Variants in LRIF1 observed in about 807,000 individuals in gnomAD.
The protein encoded by LRIF1 is ligand-dependent nuclear receptor-interacting factor 1.
In LRIF1, 32 loss-of-function variants were observed where a neutral mutation model predicts 52.7. That is an observed-to-expected ratio of 0.61 (90% CI 0.46 to 0.82). The LOEUF is 0.82. Ranked by LOEUF, LRIF1 falls within the 40% of genes least tolerant of loss-of-function variation. The probability of loss-of-function intolerance (pLI) is 0.00; values close to 1 mark genes in which losing one functional copy is unlikely to be tolerated. For synonymous variants in LRIF1, 323 were observed against 317.4 expected, an observed-to-expected ratio of 1.02 and a Z score of -0.19; for missense variants, 887 against 892.0, an observed-to-expected ratio of 0.99 and a Z score of 0.07.
chr1:110,911,906 T>C, the LRIF1 span, among the ~76,000 whole-genome samples: 1 of 152,176 alleles, frequency 6.6e-6, no homozygotes, highest in Non-Finnish European at 1.5e-5. Context: ...ATCATACTAA[T>C]GGGCAAAAAC....
the LRIF1 span, among the ~76,000 whole-genome samples, chr1:110,879,707 CT>C: frequency 6.6e-6 from 1 of 152,008 alleles, no homozygotes; most frequent in Non-Finnish European, 1.5e-5. Flanking sequence ...AGATGAAGAA[CT>C]GATAGAGGTT....
the LRIF1 span, among the ~76,000 whole-genome samples, chr1:110,885,873 A>C: frequency 1.2e-4 from 19 of 152,166 alleles, no homozygotes; most frequent in African/African-American, 4.6e-4. Context: ...CAAAAAAATA[A>C]AAATAAAAAT....
At position 110,951,601 on chromosome 1, in the gene LRIF1, G is replaced by A. The variant is rs1170874180; in HGVS notation, c.1283C>T (p.Ser428Leu). Residue 428 changes from serine to leucine, a missense_variant, in exon 2 of 4, where the codon TCA (serine) becomes TTA (leucine). Coordinates refer to ENST00000369763, the MANE Select transcript of LRIF1 (RefSeq NM_018372.4). ...KSKSSQMETK[S>L]LSNTQLASMA... Reference sequence around the variant, plus strand: ...GGAAGCAAGCTGGGTATTGGAAAGTGATTTTGTCTCCATCTGGGAAGATTT... The same window carrying A: ...GGAAGCAAGCTGGGTATTGGAAAGTAATTTTGTCTCCATCTGGGAAGATTT... 1 of 1,614,082 alleles carries A rather than the reference G, an allele frequency of 6.2e-7. No homozygotes were observed.
the LRIF1 span, among the ~76,000 whole-genome samples, chr1:110,886,869 ATTTT>A: frequency 8.5e-5 from 7 of 82,786 alleles, no homozygotes; most frequent in East Asian, 6.7e-4. Flanking sequence ...ATATATATAT[ATTTT>A]TTTTTTCTGT....
chr1:110,950,224 T>C, intron 2 of LRIF1, 101 bp from the exon 3 acceptor site: 9 of 1,364,256 alleles, frequency 6.6e-6, no homozygotes, highest in South Asian at 1.4e-5. Context: ...AAAGAACATA[T>C]CATGCTTTAT....
At chr1:110,920,163 G>A in the LRIF1 span, among the ~76,000 whole-genome samples, 155 of 152,240 alleles carry the variant, frequency 1.0e-3, no homozygotes, top group Non-Finnish European at 1.2e-3. Context: ...TGCTCTTACC[G>A]CATGATCCAG....
the LRIF1 span, among the ~76,000 whole-genome samples, chr1:110,930,737 G>A: frequency 6.6e-5 from 10 of 152,010 alleles, no homozygotes; most frequent in Admixed American, 1.3e-4. Flanking sequence ...TGTATTTTTG[G>A]CAAGACTACC....
intron 1 of LRIF1, among the ~76,000 whole-genome samples, chr1:110,962,061 T>TGC (rs71580558): frequency 7.0e-6 from 1 of 143,790 alleles, no homozygotes; most frequent in African/African-American, 2.6e-5. Context: ...GAGTTAAGGG[T>TGC]ACACACACAC....
At chr1:110,931,462 T>C in the LRIF1 span, among the ~76,000 whole-genome samples, 332 of 152,348 alleles carry the variant, frequency 2.2e-3, 1 homozygote, top group African/African-American at 7.6e-3. Flanking sequence ...CATGTGTCTT[T>C]ATAGTAGCAT....
chr1:110,895,063 C>G, the LRIF1 span: 1 of 1,589,866 alleles, frequency 6.3e-7, no homozygotes, highest in South Asian at 1.1e-5. Context: ...TTTGTGAGTA[C>G]AGGTGGAATC....
chr1:110,963,899 G>C lies in LRIF1; in HGVS notation c.-211C>G. 1 of 437,852 alleles carries C rather than the reference G, an allele frequency of 2.3e-6. No homozygotes were observed. Among genetic ancestry groups the C allele is most frequent in the Non-Finnish European group, 4.3e-6 (1 of 233,248 alleles). 27.1% of individuals were successfully genotyped at this position (437,852 alleles called of 1,614,324 possible). ...CGAGGTCGCGCACCGCGCAGAAACC[G>C]GAAGGCTCCTGGCGGTGGACTGCGC... On this transcript the variant is annotated 5_prime_UTR_variant, in exon 1 of 4. Transcript: ENST00000369763.
At chr1:110,890,240 C>T in the LRIF1 span, among the ~76,000 whole-genome samples, 1 of 152,090 alleles carries the variant, frequency 6.6e-6, no homozygotes, top group Non-Finnish European at 1.5e-5. Context: ...AAAAATGAGT[C>T]ACTTTATAGA....
At chr1:110,950,820 G>A (rs548645121) in intron 2 of LRIF1, among the ~76,000 whole-genome samples, 1 of 151,548 alleles carries the variant, frequency 6.6e-6, no homozygotes, top group Admixed American at 6.6e-5. Flanking sequence ...CCTTTTCCAT[G>A]GTATACCACC....
At chr1:110,889,182 T>C in the LRIF1 span, among the ~76,000 whole-genome samples, 1 of 152,182 alleles carries the variant, frequency 6.6e-6, no homozygotes, top group Admixed American at 6.5e-5. Context: ...CTATGAGATA[T>C]TTTGTCAGTG....
At chr1:110,895,061 T>C in the LRIF1 span, 1 of 1,598,418 alleles carries the variant, frequency 6.3e-7, no homozygotes, top group Admixed American at 1.7e-5. Flanking sequence ...CATTTGTGAG[T>C]ACAGGTGGAA....
At chr1:110,890,342 G>A in the LRIF1 span, among the ~76,000 whole-genome samples, 4 of 152,136 alleles carry the variant, frequency 2.6e-5, no homozygotes, top group East Asian at 1.9e-4. Flanking sequence ...CGAGGCAGGC[G>A]GATCACCTGA....
the LRIF1 span, among the ~76,000 whole-genome samples, chr1:110,933,437 T>C: frequency 6.6e-6 from 1 of 151,788 alleles, no homozygotes; most frequent in Non-Finnish European, 1.5e-5. Flanking sequence ...CTTGAAGACA[T>C]AGAAAAAAAA....
chr1:110,903,420 C>G, the LRIF1 span, among the ~76,000 whole-genome samples: 2 of 152,128 alleles, frequency 1.3e-5, no homozygotes, highest in Non-Finnish European at 2.9e-5. Context: ...TGTTTTGCAT[C>G]TTGGATACCA....
the LRIF1 span, chr1:110,898,013 G>T: frequency 1.9e-6 from 1 of 527,532 alleles, no homozygotes; most frequent in African/African-American, 1.9e-5. Flanking sequence ...ACTAATATAT[G>T]AATTCCCCCA....
Sources: gnomAD v4.1 joint callset for allele counts (sites outside exome capture counted in the v4.1 genomes callset) on GRCh38, gnomAD v4.1.1 for gene constraint, MANE v1.5 for transcripts, NCBI Gene and HGNC (gene_info 2026-07-23, HGNC 2026-07-21) for gene names.